The following CMTM8 variants were observed in gnomAD, a reference collection of about 807,000 sequenced individuals.
The protein encoded by CMTM8 is CKLF like MARVEL transmembrane domain containing 8.
CMTM8 carries 12 observed loss-of-function variants against 18.6 expected under a neutral mutation model. The ratio of observed to expected loss-of-function variants is 0.65; its 90% CI spans 0.41 to 1.05. The LOEUF (loss-of-function observed/expected upper bound fraction) is 1.05, where lower values mean the gene tolerates loss of function less well. Among genes scored for constraint, CMTM8 ranks in the 50% least tolerant of loss-of-function variants. The pLI, the probability that CMTM8 is intolerant of heterozygous loss-of-function variation, is 0.00. For missense variants in CMTM8, 217 were observed against 227.2 expected (o/e 0.95, Z 0.29); for synonymous variants, 87 against 90.6 (o/e 0.96, Z 0.23).
intron 1 of CMTM8, among the ~76,000 whole-genome samples, chr3:32,304,694 C>A (rs1695688529): frequency 6.6e-6 from 1 of 152,166 alleles, no homozygotes; most frequent in Non-Finnish European, 1.5e-5. Context: ...GTGGCACACA[C>A]AAGATAAATG....
At chr3:32,315,786 T>G (rs1695915650) in intron 1 of CMTM8, among the ~76,000 whole-genome samples, 1 of 152,218 alleles carries the variant, frequency 6.6e-6, no homozygotes, top group South Asian at 2.1e-4. Context: ...GGCATATTTT[T>G]TGGTGGCTTA....
intron 1 of CMTM8, among the ~76,000 whole-genome samples, chr3:32,258,692 G>T (rs1702208344): frequency 6.6e-6 from 1 of 151,926 alleles, no homozygotes; most frequent in Admixed American, 6.6e-5. Flanking sequence ...TTAATTTTTT[G>T]TGGAGATGGG....
chr3:32,252,946 G>A (rs1180501758), intron 1 of CMTM8, among the ~76,000 whole-genome samples: 3 of 152,138 alleles, frequency 2.0e-5, no homozygotes, highest in Non-Finnish European at 4.4e-5. Context: ...AGTTAACTGT[G>A]TACCCTTTTT....
intron 1 of CMTM8, among the ~76,000 whole-genome samples, chr3:32,298,922 C>CATAT (rs201479496): frequency 1.4e-4 from 20 of 139,176 alleles, no homozygotes; most frequent in South Asian, 4.5e-4. Context: ...CATACACACA[C>CATAT]ACATATATAT....
intron 1 of CMTM8, among the ~76,000 whole-genome samples, chr3:32,347,850 C>T (rs1288461115): frequency 1.3e-5 from 2 of 152,124 alleles, no homozygotes; most frequent in Non-Finnish European, 2.9e-5. Flanking sequence ...AGTAAAATGA[C>T]ATCAGGCATG....
intron 1 of CMTM8, among the ~76,000 whole-genome samples, chr3:32,326,839 A>G (rs1696168391): frequency 6.6e-6 from 1 of 152,120 alleles, no homozygotes; most frequent in Admixed American, 6.5e-5. Context: ...TGAGGCAGTG[A>G]GTTCTCTCTG....
chr3:32,322,106 G>A (rs1383830557), intron 1 of CMTM8, among the ~76,000 whole-genome samples: 1 of 152,198 alleles, frequency 6.6e-6, no homozygotes, highest in African/African-American at 2.4e-5. Context: ...TCCCTGAAGA[G>A]GACTTTATTG....
At chr3:32,346,184 A>T (rs74281416) in intron 1 of CMTM8, among the ~76,000 whole-genome samples, 12,329 of 152,196 alleles carry the variant, frequency 0.081, 596 homozygotes, top group East Asian at 0.18. Context: ...AAATTCTAGA[A>T]ATCAGCTGAC....
rs1042038128 is a variant in CMTM8 at position 32,239,137 on chromosome 3, G to A, written c.147+18G>A. 4 of 1,579,420 alleles carry A rather than the reference G, an allele frequency of 2.5e-6. No homozygotes were observed. The African/African-American group carries it at 5.4e-5, about 21-fold the overall frequency. Reference sequence around the variant, plus strand: ...CCGAGATCGTGAGTGCCGACGGGCCGGGGGTGGCGGGGGGCTCAGCTGGAC... The same window carrying A: ...CCGAGATCGTGAGTGCCGACGGGCCAGGGGTGGCGGGGGGCTCAGCTGGAC... On this transcript the variant is annotated intron_variant, in intron 1 of 3. Coordinates refer to ENST00000307526, the MANE Select transcript of CMTM8 (RefSeq NM_178868.5).
At chr3:32,245,426 A>T (rs981673764) in intron 1 of CMTM8, among the ~76,000 whole-genome samples, 1 of 152,356 alleles carries the variant, frequency 6.6e-6, no homozygotes, top group Non-Finnish European at 1.5e-5. Context: ...AAATCATGGT[A>T]GTTTCCTTCC....
intron 1 of CMTM8, among the ~76,000 whole-genome samples, chr3:32,315,277 A>G (rs909445719): frequency 6.6e-6 from 1 of 151,806 alleles, no homozygotes; most frequent in Non-Finnish European, 1.5e-5. Flanking sequence ...TTACAGGCGC[A>G]TGCCACCACA....
chr3:32,243,118 C>T (rs1326615946), intron 1 of CMTM8, among the ~76,000 whole-genome samples: 2 of 150,654 alleles, frequency 1.3e-5, no homozygotes, highest in Non-Finnish European at 3.0e-5. Context: ...GTCTCGAATT[C>T]CTGACCTCAA....
At chr3:32,247,822 A>G (rs1235535682) in intron 1 of CMTM8, among the ~76,000 whole-genome samples, 1 of 152,216 alleles carries the variant, frequency 6.6e-6, no homozygotes, top group Non-Finnish European at 1.5e-5. Context: ...CCTTATTCAA[A>G]GAACATTTTC....
intron 1 of CMTM8, among the ~76,000 whole-genome samples, chr3:32,324,316 A>C (rs1380533402): frequency 6.6e-6 from 1 of 152,200 alleles, no homozygotes; most frequent in Non-Finnish European, 1.5e-5. Context: ...TGAGTTCAGA[A>C]AATCTGCTTC....
At chr3:32,333,384 C>T (rs540100485) in intron 1 of CMTM8, among the ~76,000 whole-genome samples, 219 of 152,252 alleles carry the variant, frequency 1.4e-3, no homozygotes, top group Non-Finnish European at 2.7e-3. Flanking sequence ...ACCAACAGCA[C>T]GGGCATCACC....
chr3:32,304,830 C>T (rs1363864695), intron 1 of CMTM8, among the ~76,000 whole-genome samples: 2 of 152,232 alleles, frequency 1.3e-5, no homozygotes, highest in Non-Finnish European at 2.9e-5. Context: ...CAGAAATCAG[C>T]AGCCTATGCC....
chr3:32,263,652 G>A (rs373570279), intron 1 of CMTM8, among the ~76,000 whole-genome samples: 1 of 152,250 alleles, frequency 6.6e-6, no homozygotes, highest in South Asian at 2.1e-4. Context: ...AAACTTCTCC[G>A]AGCTAAAGGA....
intron 1 of CMTM8, among the ~76,000 whole-genome samples, chr3:32,284,286 A>C (rs12629726): frequency 3.9e-5 from 6 of 152,264 alleles, no homozygotes; most frequent in South Asian, 4.1e-4. Context: ...AAATATATAC[A>C]CTTAGATTTA....
chr3:32,351,778 A>G (rs189597667), intron 1 of CMTM8, among the ~76,000 whole-genome samples: 1 of 152,272 alleles, frequency 6.6e-6, no homozygotes, highest in Admixed American at 6.5e-5. Context: ...TTGAAAAATA[A>G]AACTGGGTGG....
Sources: gnomAD v4.1 joint callset for allele counts (sites outside exome capture counted in the v4.1 genomes callset) on GRCh38, gnomAD v4.1.1 for gene constraint, MANE v1.5 for transcripts, NCBI Gene and HGNC (gene_info 2026-07-23, HGNC 2026-07-21) for gene names.